Variants in SUCO observed in about 807,000 individuals in gnomAD.
SUCO encodes SUN domain containing ossification factor, also known as SUN domain-containing ossification factor.
Under a neutral mutation model 148.1 loss-of-function variants are expected in SUCO, and 57 were observed. That is an observed-to-expected ratio of 0.38 (90% CI 0.31 to 0.48). The LOEUF is 0.48. Among genes scored for constraint, SUCO ranks in the 20% least tolerant of loss-of-function variants. The pLI is 0.96. For missense variants in SUCO, 1,331 were observed against 1,468.2 expected, an observed-to-expected ratio of 0.91 and a Z score of 1.53; for synonymous variants, 470 against 502.7, an observed-to-expected ratio of 0.93 and a Z score of 0.87.
intron 20 of SUCO, 84 bp downstream of exon 20, chr1:172,600,252 C>T (rs1053981744): frequency 2.9e-5 from 28 of 968,922 alleles, no homozygotes; most frequent in Middle Eastern, 2.1e-4. Context: ...GAACATGGTA[C>T]CTAAAACTTT....
intron 1 of SUCO, chr1:172,551,028 C>T (rs1181155773): frequency 5.0e-5 from 12 of 240,180 alleles, no homozygotes; most frequent in Non-Finnish European, 6.7e-6. Flanking sequence ...GTACTATTAA[C>T]CTCTAGTATT....
At chr1:172,601,052 A>G (rs1185731778) in intron 20 of SUCO, among the ~76,000 whole-genome samples, 5 of 152,206 alleles carry the variant, frequency 3.3e-5, no homozygotes, top group Non-Finnish European at 7.3e-5. Flanking sequence ...TTTTATTTGA[A>G]TCTTTGTATC....
At chr1:172,567,083 T>A (rs1571222543) in intron 6 of SUCO, among the ~76,000 whole-genome samples, 1 of 152,238 alleles carries the variant, frequency 6.6e-6, no homozygotes, top group East Asian at 1.9e-4. Context: ...GGGGACCAAA[T>A]TGCTGTCTTC....
rs1446436912 is a variant in SUCO at position 172,588,812 on chromosome 1, A to G, written c.1711A>G (p.Thr571Ala). 1 of 1,592,760 alleles carries G rather than the reference A, an allele frequency of 6.3e-7. No homozygotes were observed. Among genetic ancestry groups the G allele is most frequent in the African/African-American group, 1.3e-5 (1 of 74,160 alleles). ...TGACATGGAGCCGTCAACACCAGAT[A>G]CTCCAAAAGAGAGTCCCATTGTACA... ...THDMEPSTPD[T>A]PKESPIVQLV... The change falls in exon 18 of 24, where the codon ACT becomes GCT. Residue 571 changes from threonine (T) to alanine (A), a missense_variant. Physicochemically the swap from Thr to Ala is moderately conservative, Grantham distance 58. This residue lies in a region of SUCO where 992 missense variants were observed against 1,093.5 expected (regional missense o/e 0.91). Transcript: ENST00000263688.
intron 17 of SUCO, 56 bp from the exon 18 acceptor site, chr1:172,588,704 T>C: frequency 1.5e-6 from 2 of 1,308,010 alleles, no homozygotes. Context: ...CTTTAACATA[T>C]TTCAACTTTA....
intron 19 of SUCO, among the ~76,000 whole-genome samples, chr1:172,596,021 G>A (rs1336454710): frequency 4.6e-5 from 7 of 151,620 alleles, no homozygotes; most frequent in Non-Finnish European, 7.4e-5. Context: ...GCTTCATTTC[G>A]TTCATTTGAT....
intron 15 of SUCO, among the ~76,000 whole-genome samples, chr1:172,583,302 C>G (rs2149256126): frequency 6.6e-6 from 1 of 152,076 alleles, no homozygotes; most frequent in African/African-American, 2.4e-5. Context: ...GGTCAAAGGG[C>G]AATATTAAAA....
chr1:172,557,832 G>C (rs1344856626), intron 6 of SUCO, 38 bp downstream of exon 6: 1 of 1,475,334 alleles, frequency 6.8e-7, no homozygotes, highest in Non-Finnish European at 9.1e-7. Context: ...ACTTCTTTAT[G>C]TAATGCATTT....
At chr1:172,588,048 C>A (rs1211582640) in intron 17 of SUCO, 5 of 978,154 alleles carry the variant, frequency 5.1e-6, no homozygotes, top group Non-Finnish European at 6.1e-6. Context: ...TATCATAAGC[C>A]AGAATTGTTA....
At chr1:172,553,169 TAAAG>T in intron 2 of SUCO, 87 bp from the exon 3 acceptor site, 1 of 1,360,972 alleles carries the variant, frequency 7.3e-7, no homozygotes, top group Middle Eastern at 2.3e-4. Context: ...TTTTTGGTTT[TAAAG>T]TATGGAAAAA....
At chr1:172,573,052 G>T (rs923390733) in intron 9 of SUCO, among the ~76,000 whole-genome samples, 1 of 151,804 alleles carries the variant, frequency 6.6e-6, no homozygotes, top group Non-Finnish European at 1.5e-5. Context: ...GCTTTATTGG[G>T]GTATAGTTGA....
chr1:172,556,421 GCTAA>G (rs928865968), intron 4 of SUCO, among the ~76,000 whole-genome samples: 4 of 151,990 alleles, frequency 2.6e-5, no homozygotes, highest in African/African-American at 7.3e-5. Context: ...CGTGTGAATC[GCTAA>G]CTTTTTCAAA....
chr1:172,538,844 C>G (rs1652222732), intron 1 of SUCO, among the ~76,000 whole-genome samples: 1 of 152,152 alleles, frequency 6.6e-6, no homozygotes, highest in African/African-American at 2.4e-5. Context: ...CAGATCCCTT[C>G]AGACAAGTTA....
At chr1:172,599,172 A>G (rs1203712884) in intron 19 of SUCO, among the ~76,000 whole-genome samples, 1 of 152,128 alleles carries the variant, frequency 6.6e-6, no homozygotes, top group Non-Finnish European at 1.5e-5. Context: ...TACTAAAAAT[A>G]CAAATAATTA....
At chr1:172,596,648 C>T (rs1558210584) in intron 19 of SUCO, among the ~76,000 whole-genome samples, 1 of 152,198 alleles carries the variant, frequency 6.6e-6, no homozygotes, top group Non-Finnish European at 1.5e-5. Context: ...CCTCTGAAAG[C>T]TTTGTCTCAG....
intron 22 of SUCO, among the ~76,000 whole-genome samples, chr1:172,606,476 A>G (rs1283804568): frequency 1.3e-5 from 2 of 151,788 alleles, no homozygotes; most frequent in African/African-American, 4.8e-5. Flanking sequence ...TTAACAATAC[A>G]TAGATCTTAA....
upstream of SUCO, chr1:172,532,494 CCCTTTCTATCTA>C: frequency 6.2e-7 from 1 of 1,613,232 alleles, no homozygotes; most frequent in Non-Finnish European, 8.5e-7. Context: ...CTTGGCACGC[CCCTTTCTATCTA>C]CCAATCAACA....
intron 2 of SUCO, among the ~76,000 whole-genome samples, chr1:172,552,929 TGAAA>T (rs1240238048): frequency 2.6e-5 from 4 of 152,068 alleles, no homozygotes; most frequent in Non-Finnish European, 5.9e-5. Context: ...AAAAAAGAGA[TGAAA>T]GAAAGAGCTT....
At chr1:172,585,834 C>G in intron 16 of SUCO, 24 bp from the exon 17 acceptor site, 2 of 1,458,694 alleles carry the variant, frequency 1.4e-6, no homozygotes, top group East Asian at 4.6e-5. Flanking sequence ...TTGAACTCAA[C>G]ATTGGGCATC....
Sources: gnomAD v4.1 joint callset for allele counts (sites outside exome capture counted in the v4.1 genomes callset) on GRCh38, gnomAD v4.1.1 for gene constraint, gnomAD v4.1.1 regional missense constraint, MANE v1.5 for transcripts, NCBI Gene and HGNC (gene_info 2026-07-23, HGNC 2026-07-21) for gene names.